SGK1: variants seen among roughly 807,000 people sequenced by gnomAD.
The protein encoded by SGK1 is serine/threonine-protein kinase Sgk1.
A neutral mutation model predicts 64.2 loss-of-function variants in SGK1; 26 were observed. The ratio of observed to expected loss-of-function variants is 0.40; its 90% CI spans 0.30 to 0.56. The LOEUF is 0.56. Ranked by LOEUF, SGK1 falls within the 20% of genes least tolerant of loss-of-function variation. The pLI is 0.38. For synonymous variants in SGK1, 265 were observed against 239.7 expected, an observed-to-expected ratio of 1.11 and a Z score of -0.98; for missense variants, 519 against 645.6, an observed-to-expected ratio of 0.80 and a Z score of 2.12.
chr6:134,169,403 A>C lies in SGK1; in HGVS notation c.*865T>G, dbSNP rs1248835616. The stretch of plus-strand genomic sequence containing the variant: ...GGTTTACATTACAAATAAGCCTGTA[A>C]GTTTAAATATACTAGTGTTATAACC... On this transcript the variant is annotated 3_prime_UTR_variant, in exon 14 of 14. Transcript: ENST00000367858. 3 of 152,608 alleles carry C rather than the reference A, an allele frequency of 2.0e-5. No individual in the cohort carries two copies. Among genetic ancestry groups the C allele is most frequent in the Non-Finnish European group, 2.9e-5 (2 of 68,022 alleles). The allele number at this position is 152,608 out of a possible 1,614,324, so 9.5% of individuals were successfully genotyped here. A position where few individuals can be genotyped will look rare whatever the true frequency, so the allele number is the denominator to read the frequency against.
chr6:134,297,809 A>G (rs1480318917), intron 1 of SGK1: 14 of 645,804 alleles, frequency 2.2e-5, no homozygotes, highest in Non-Finnish European at 4.0e-5. Flanking sequence ...CCTAGATCTC[A>G]GTCTTTGTAT....
At chr6:134,290,790 A>G (rs1285967823) in intron 1 of SGK1, among the ~76,000 whole-genome samples, 1 of 152,158 alleles carries the variant, frequency 6.6e-6, no homozygotes, top group Non-Finnish European at 1.5e-5. Context: ...GAGCCACAGA[A>G]GTCTCTGGGC....
At chr6:134,233,798 AGATTCT>A (rs1776324553) in intron 2 of SGK1, among the ~76,000 whole-genome samples, 1 of 152,132 alleles carries the variant, frequency 6.6e-6, no homozygotes, top group African/African-American at 2.4e-5. Flanking sequence ...TTATTCTACT[AGATTCT>A]GATTCTTTTT....
At chr6:134,281,342 C>A (rs1777091550) in intron 1 of SGK1, among the ~76,000 whole-genome samples, 1 of 152,080 alleles carries the variant, frequency 6.6e-6, no homozygotes, top group East Asian at 1.9e-4. Flanking sequence ...ATTTTCTCAT[C>A]CATTAAGAGT....
At chr6:134,217,130 G>A (rs1010529451) in intron 2 of SGK1, among the ~76,000 whole-genome samples, 1 of 152,198 alleles carries the variant, frequency 6.6e-6, no homozygotes, top group African/African-American at 2.4e-5. Flanking sequence ...GACAGAGCAC[G>A]AACTCACATG....
chr6:134,250,286 T>C (rs1284269691), intron 2 of SGK1, among the ~76,000 whole-genome samples: 3 of 152,220 alleles, frequency 2.0e-5, no homozygotes, highest in Non-Finnish European at 4.4e-5. Context: ...CTTATATCAC[T>C]GTCTGCTACT....
intron 3 of SGK1, chr6:134,174,879 G>T: frequency 1.2e-6 from 2 of 1,604,234 alleles, no homozygotes; most frequent in Non-Finnish European, 8.5e-7. Flanking sequence ...CAGGCCGCGC[G>T]CTCGGCCTTA....
intron 1 of SGK1, among the ~76,000 whole-genome samples, chr6:134,269,126 T>TA (rs990025822): frequency 2.7e-5 from 4 of 147,248 alleles, no homozygotes; most frequent in African/African-American, 9.8e-5. Context: ...TATCAACCGA[T>TA]ACAGGAAAAT....
chr6:134,260,552 A>T (rs1776751627), intron 2 of SGK1: 1 of 152,008 alleles, frequency 6.6e-6, no homozygotes, highest in Admixed American at 6.6e-5. Flanking sequence ...GGTGCCTGTA[A>T]TCCCAGCTAC....
chr6:134,300,497 C>T (rs1214692557), intron 1 of SGK1, among the ~76,000 whole-genome samples: 1 of 138,324 alleles, frequency 7.2e-6, no homozygotes, highest in Non-Finnish European at 1.5e-5. Context: ...GAGATCGCGC[C>T]ACTGCACTCC....
At position 134,317,588 on chromosome 6, in the gene SGK1, G is replaced by A; in HGVS notation, c.-128C>T. ...CTGAGCGGGATGGAGAATCTAGCGG[G>A]GCTCAGTTCTTCACTCGCGCATTCT... is the stretch of plus-strand genomic sequence containing the variant. On this transcript the variant is annotated 5_prime_UTR_variant, in exon 1 of 14. Coordinates refer to ENST00000367858, the MANE Select transcript of SGK1 (RefSeq NM_001143676.3). 1.4e-6 allele frequency: 1 copy of A among 718,966 alleles called. No homozygotes were observed. Among genetic ancestry groups the A allele is most frequent in the Non-Finnish European group, 2.6e-6 (1 of 390,350 alleles). The allele number at this position is 718,966 out of a possible 1,614,324, so 44.5% of individuals were successfully genotyped here.
chr6:134,220,850 C>T (rs144640345), intron 2 of SGK1, among the ~76,000 whole-genome samples: 1 of 151,712 alleles, frequency 6.6e-6, no homozygotes, highest in Non-Finnish European at 1.5e-5. Flanking sequence ...GGCATGGTGG[C>T]CCACGCCTGT....
chr6:134,288,552 G>A (rs1279329573), intron 1 of SGK1, among the ~76,000 whole-genome samples: 1 of 152,110 alleles, frequency 6.6e-6, no homozygotes, highest in Non-Finnish European at 1.5e-5. Flanking sequence ...AAATACATTG[G>A]TTCATCCTCA....
chr6:134,299,885 A>G (rs1206053450), intron 1 of SGK1, among the ~76,000 whole-genome samples: 1 of 151,778 alleles, frequency 6.6e-6, no homozygotes, highest in African/African-American at 2.4e-5. Flanking sequence ...CCTATACTCA[A>G]GAAGGTCCAA....
At chr6:134,170,759 G>C (rs1774989321) in intron 13 of SGK1, 67 bp downstream of exon 13, 8 of 1,061,700 alleles carry the variant, frequency 7.5e-6, no homozygotes, top group Middle Eastern at 3.0e-4. Context: ...CCCTCCCCCA[G>C]ACAATTCTGA....
At position 134,254,728 on chromosome 6, in the gene SGK1, CATAG is replaced by C. The variant is rs200149196; in HGVS notation, c.285+7201_285+7204del. 6.0e-3 allele frequency among the ~76,000 whole-genome samples: 905 copies of C among 151,838 alleles called. 4 individuals are homozygous for C. The highest frequency in any genetic ancestry group is 0.02 in the African/African-American group (832 of 41,180). ...TTACCCACACATATATACTCACACT[CATAG>C]ATAAACACACATATATACAGACAAG... On this transcript the variant is annotated intron_variant, in intron 2 of 13. Coordinates refer to ENST00000367858, the MANE Select transcript of SGK1 (RefSeq NM_001143676.3).
chr6:134,299,781 G>T (rs1777417834), intron 1 of SGK1, among the ~76,000 whole-genome samples: 1 of 148,858 alleles, frequency 6.7e-6, no homozygotes. Context: ...AGAGCCTCTG[G>T]TAGCTTTTCC....
chr6:134,171,377 G>A, intron 11 of SGK1, 199 bp from the exon 12 acceptor site: 1 of 621,982 alleles, frequency 1.6e-6, no homozygotes, highest in Admixed American at 2.9e-5. Context: ...TGTGTGTGGA[G>A]GGTGAGGGGG....
At chr6:134,211,174 C>T (rs1009794370) in intron 2 of SGK1, among the ~76,000 whole-genome samples, 46 of 151,988 alleles carry the variant, frequency 3.0e-4, no homozygotes, top group Non-Finnish European at 4.9e-4. Flanking sequence ...TGTGTTCTTT[C>T]CACAATAACA....
Sources: gnomAD v4.1 joint callset for allele counts (sites outside exome capture counted in the v4.1 genomes callset) on GRCh38, gnomAD v4.1.1 for gene constraint, MANE v1.5 for transcripts, NCBI Gene and HGNC (gene_info 2026-07-23, HGNC 2026-07-21) for gene names.